Variants in AGBL1 observed in about 807,000 individuals in gnomAD.
AGBL1 encodes cytosolic carboxypeptidase 4.
Under a neutral mutation model 118.9 loss-of-function variants are expected in AGBL1, and 130 were observed. That is an observed-to-expected ratio of 1.09 (90% confidence interval 0.95 to 1.26). The LOEUF is 1.26. AGBL1 is among the 50% of genes most tolerant of loss of function. The pLI, the probability that AGBL1 is intolerant of heterozygous loss-of-function variation, is 0.00. For synonymous variants in AGBL1, 555 were observed against 478.9 expected (o/e 1.16, Z -2.08); for missense variants, 1,584 against 1,298.1 (o/e 1.22, Z -3.38).
rs2080302800 is a variant in AGBL1 at position 86,907,924 on chromosome 15, A to G, written c.*630A>G. On this transcript the variant is annotated 3_prime_UTR_variant, in exon 23 of 23. Coordinates refer to ENST00000614907, the MANE Select transcript of AGBL1 (RefSeq NM_001386094.1). ...AGGCCAGAAGCTGCACTAGACTCTT[A>G]GAAATAAGACATTGTCACTGATCTT... 1.3e-5 allele frequency: 2 copies of G among 152,208 alleles called. No homozygotes were observed. Among genetic ancestry groups the G allele is most frequent in the Non-Finnish European group, 2.9e-5 (2 of 68,040 alleles). 9.4% of individuals were successfully genotyped at this position (152,208 alleles called of 1,614,324 possible).
intron 22 of AGBL1, among the ~76,000 whole-genome samples, chr15:86,675,572 A>C (rs1028408799): frequency 1.3e-5 from 2 of 152,048 alleles, no homozygotes; most frequent in Non-Finnish European, 2.9e-5. Flanking sequence ...TTGACATCAC[A>C]ACCACTTCTG....
chr15:86,661,648 C>T (rs1050429153), intron 21 of AGBL1, among the ~76,000 whole-genome samples: 8 of 152,062 alleles, frequency 5.3e-5, no homozygotes, highest in South Asian at 2.1e-4. Flanking sequence ...CCAATTGCCA[C>T]GGACTCTCAT....
chr15:86,595,395 T>C (rs1032289810), intron 21 of AGBL1, among the ~76,000 whole-genome samples: 1 of 152,184 alleles, frequency 6.6e-6, no homozygotes, highest in Admixed American at 6.6e-5. Flanking sequence ...CTTTTAAAAG[T>C]TCAGTTGCTG....
intron 22 of AGBL1, among the ~76,000 whole-genome samples, chr15:86,853,891 T>A (rs1477754429): frequency 6.6e-6 from 1 of 152,210 alleles, no homozygotes; most frequent in Non-Finnish European, 1.5e-5. Context: ...TCCGTGTTTT[T>A]TTAATTAGTC....
At chr15:86,282,556 G>A (rs1030982231) in intron 16 of AGBL1, among the ~76,000 whole-genome samples, 7 of 152,124 alleles carry the variant, frequency 4.6e-5, no homozygotes, top group African/African-American at 1.7e-4. Flanking sequence ...TCAATTTTAG[G>A]TTTTACATTT....
At chr15:86,284,245 A>T (rs2079405016) in intron 16 of AGBL1, among the ~76,000 whole-genome samples, 1 of 150,492 alleles carries the variant, frequency 6.6e-6, no homozygotes, top group East Asian at 1.9e-4. Context: ...AAGGCTACTG[A>T]TGGTTTTCTT....
In AGBL1 at chr15:86,144,986, C is replaced by T. The variant is rs181413744; in HGVS notation, c.262+1141C>T. 2.4e-3 allele frequency among the ~76,000 whole-genome samples: 368 copies of T among 152,226 alleles called. 1 individual carries two copies. The highest frequency in any genetic ancestry group is 4.4e-3 in the Non-Finnish European group (296 of 68,000). ...CCTTCTGGAGTCTCTGAGGGAGAAT[C>T]GGTTCCATGCCCCTCTCCTCTGAGG... On this transcript the variant is annotated intron_variant, in intron 3 of 22. Transcript: ENST00000614907.
At chr15:87,003,555 C>A (rs965036757) in intron 24 of AGBL1, among the ~76,000 whole-genome samples, 1 of 152,124 alleles carries the variant, frequency 6.6e-6, no homozygotes, top group South Asian at 2.1e-4. Context: ...AGGAATGGTA[C>A]CCGCTCCTCC....
intron 22 of AGBL1, among the ~76,000 whole-genome samples, chr15:86,822,010 G>T (rs536205028): frequency 6.6e-6 from 1 of 152,152 alleles, no homozygotes; most frequent in South Asian, 2.1e-4. Context: ...GAGAGATACA[G>T]TGCCACAGTA....
At chr15:86,249,556 G>A (rs1382734235) in intron 7 of AGBL1, among the ~76,000 whole-genome samples, 2 of 152,176 alleles carry the variant, frequency 1.3e-5, no homozygotes, top group East Asian at 3.9e-4. Context: ...ATGAAGCAGG[G>A]CTTTGAATTT....
At chr15:86,978,516 G>T (rs1231143677) in intron 23 of AGBL1, among the ~76,000 whole-genome samples, 1 of 152,144 alleles carries the variant, frequency 6.6e-6, no homozygotes, top group Admixed American at 6.5e-5. Flanking sequence ...CCTACAGCAA[G>T]GTAAAACAAG....
At chr15:86,276,411 GT>G (rs2079252064) in intron 15 of AGBL1, among the ~76,000 whole-genome samples, 1 of 152,194 alleles carries the variant, frequency 6.6e-6, no homozygotes, top group African/African-American at 2.4e-5. Context: ...TAATTCCCAT[GT>G]GTAGAATGTG....
intron 22 of AGBL1, among the ~76,000 whole-genome samples, chr15:86,837,576 C>A (rs929979707): frequency 6.6e-6 from 1 of 152,108 alleles, no homozygotes; most frequent in East Asian, 1.9e-4. Flanking sequence ...GCTGTCTGAC[C>A]CTTTACAGAA....
At chr15:86,865,229 C>T (rs973031728) in intron 22 of AGBL1, among the ~76,000 whole-genome samples, 1 of 152,192 alleles carries the variant, frequency 6.6e-6, no homozygotes, top group African/African-American at 2.4e-5. Flanking sequence ...TATTCATCGA[C>T]AGCCCTGTGG....
At chr15:86,282,666 A>G (rs1467950607) in intron 16 of AGBL1, among the ~76,000 whole-genome samples, 3 of 152,240 alleles carry the variant, frequency 2.0e-5, no homozygotes, top group African/African-American at 4.8e-5. Flanking sequence ...CAAAATGAGT[A>G]CATTCTGTAA....
intron 1 of AGBL1, among the ~76,000 whole-genome samples, chr15:86,092,991 A>G (rs915127232): frequency 1.3e-5 from 2 of 152,284 alleles, no homozygotes; most frequent in South Asian, 4.1e-4. Context: ...ACACATTCAA[A>G]TAATAGCAGC....
chr15:86,279,672 C>T lies in AGBL1; in HGVS notation c.2109C>T (p.Gly703=), dbSNP rs770510450. The T allele has an allele frequency of 1.8e-5, 29 of 1,613,388 alleles. 1 individual carries two copies. Among genetic ancestry groups the T allele is most frequent in the African/African-American group, 4.0e-5 (3 of 74,994 alleles). The part of the protein sequence containing the change: ...NHYRQSTAVA[G]GASGKCYYTL... ...ATCGCCAGAGTACAGCTGTTGCAGG[C>T]GGAGCATCTGGGAAGTGCTACTATA... The change falls in exon 16 of 23, where the codon GGC becomes GGT. Residue 703 remains glycine (G), a synonymous_variant. Transcript: ENST00000614907.
chr15:86,583,491 A>G (rs2084202745), intron 21 of AGBL1, among the ~76,000 whole-genome samples: 1 of 152,136 alleles, frequency 6.6e-6, no homozygotes, highest in Non-Finnish European at 1.5e-5. Flanking sequence ...AGTTGCATCC[A>G]TGTTGCTACA....
At chr15:86,946,644 T>C (rs2080825428) in intron 23 of AGBL1, among the ~76,000 whole-genome samples, 1 of 151,726 alleles carries the variant, frequency 6.6e-6, no homozygotes, top group Admixed American at 6.6e-5. Context: ...GGTTGGGAGT[T>C]CGAGACCAGC....
Sources: gnomAD v4.1 joint callset for allele counts (sites outside exome capture counted in the v4.1 genomes callset) on GRCh38, gnomAD v4.1.1 for gene constraint, MANE v1.5 for transcripts, NCBI Gene and HGNC (gene_info 2026-07-23, HGNC 2026-07-21) for gene names.